The following MAF variants were observed in gnomAD, a reference collection of about 807,000 sequenced individuals.
MAF encodes transcription factor Maf.
MAF carries 10 observed loss-of-function variants against 22.0 expected under a neutral mutation model. That is an observed-to-expected ratio of 0.45 (90% CI 0.28 to 0.77). The LOEUF is 0.77. MAF is among the 30% of genes least tolerant of loss of function. The probability of loss-of-function intolerance (pLI) is 0.12; values close to 1 mark genes in which losing one functional copy is unlikely to be tolerated. For synonymous variants in MAF, 337 were observed against 255.8 expected, an observed-to-expected ratio of 1.32 and a Z score of -3.03; for missense variants, 544 against 548.4, an observed-to-expected ratio of 0.99 and a Z score of 0.08.
the MAF span, among the ~76,000 whole-genome samples, chr16:79,529,689 G>C: frequency 5.3e-5 from 8 of 152,296 alleles, no homozygotes; most frequent in East Asian, 1.5e-3. Context: ...GGCTGGGCGC[G>C]GTGGCTCACG....
chr16:79,399,098 T>G, the MAF span, among the ~76,000 whole-genome samples: 3 of 152,210 alleles, frequency 2.0e-5, no homozygotes, highest in African/African-American at 7.2e-5. Flanking sequence ...CCCTGTGACG[T>G]TGAGAGGCAG....
At chr16:79,337,602 T>C in the MAF span, among the ~76,000 whole-genome samples, 2 of 136,794 alleles carry the variant, frequency 1.5e-5, no homozygotes, top group Middle Eastern at 7.2e-3. Flanking sequence ...AGCATACCAT[T>C]TGCAAGCAAG....
chr16:79,340,558 C>T, the MAF span, among the ~76,000 whole-genome samples: 4 of 151,796 alleles, frequency 2.6e-5, no homozygotes, highest in African/African-American at 9.7e-5. Flanking sequence ...CTTGCCACTC[C>T]ACTGTTGGCA....
At chr16:79,465,416 G>A in the MAF span, among the ~76,000 whole-genome samples, 5 of 152,110 alleles carry the variant, frequency 3.3e-5, no homozygotes, top group Non-Finnish European at 7.4e-5. Context: ...AACATGGCAA[G>A]ACCAGTCTCT....
the MAF span, among the ~76,000 whole-genome samples, chr16:79,565,278 C>A: frequency 6.6e-6 from 1 of 152,272 alleles, no homozygotes; most frequent in East Asian, 1.9e-4. Flanking sequence ...CAACCAGGGG[C>A]ATTCATTTAC....
the MAF span, among the ~76,000 whole-genome samples, chr16:79,499,957 T>C: frequency 1.1e-4 from 17 of 152,268 alleles, no homozygotes; most frequent in African/African-American, 3.1e-4. Flanking sequence ...ATATCTATTA[T>C]TGTAAGAAAG....
the MAF span, among the ~76,000 whole-genome samples, chr16:79,534,886 A>C: frequency 9.8e-5 from 15 of 152,342 alleles, no homozygotes; most frequent in African/African-American, 3.4e-4. Context: ...CTCTCTGGAC[A>C]GTGTGGGCCA....
the MAF span, among the ~76,000 whole-genome samples, chr16:79,576,231 T>TAAAAA: frequency 2.6e-4 from 11 of 43,016 alleles, no homozygotes; most frequent in Admixed American, 5.8e-4. Flanking sequence ...CCTGTGGTAC[T>TAAAAA]AAAAAAAAAA....
chr16:79,468,159 C>T, the MAF span, among the ~76,000 whole-genome samples: 2 of 152,150 alleles, frequency 1.3e-5, no homozygotes, highest in African/African-American at 4.8e-5. Flanking sequence ...GCCATTTTCT[C>T]TTCCCGGGCT....
At chr16:79,348,326 A>T in the MAF span, among the ~76,000 whole-genome samples, 1 of 152,250 alleles carries the variant, frequency 6.6e-6, no homozygotes, top group Non-Finnish European at 1.5e-5. Context: ...TTTACTCAGC[A>T]GGGATAGATA....
In MAF at chr16:79,599,192, CCCGCCGCCTCCGCCGCCGCCG is replaced by C. The variant is rs1278501804; in HGVS notation, c.690_710del (p.Gly232_Gly238del). Reference sequence around the variant, plus strand: ...GGGCGCCCCCCGCCCCCGCCGCGCCCCCGCCGCCTCCGCCGCCGCCGCCGCCGCCGCCGCCCCCAGCGCTGG... The same window carrying C: ...GGGCGCCCCCCGCCCCCGCCGCGCCCCCGCCGCCGCCGCCCCCAGCGCTGG... On this transcript the variant is annotated inframe_deletion, in exon 1 of 2. Coordinates refer to ENST00000326043, the MANE Select transcript of MAF (RefSeq NM_005360.5). 1.1e-5 allele frequency: 11 copies of C among 1,026,596 alleles called. No homozygotes were observed. Among genetic ancestry groups the C allele is most frequent in the African/African-American group, 1.7e-5 (1 of 57,746 alleles). The allele number at this position is 1,026,596 out of a possible 1,614,324, so 63.6% of individuals were successfully genotyped here. A position where few individuals can be genotyped will look rare whatever the true frequency, so the allele number is the denominator to read the frequency against.
the MAF span, among the ~76,000 whole-genome samples, chr16:79,551,780 A>G: frequency 3.3e-5 from 5 of 152,214 alleles, no homozygotes. Flanking sequence ...CCATTCATTT[A>G]TCTATCATCC....
At chr16:79,571,121 A>AAG in the MAF span, among the ~76,000 whole-genome samples, 2 of 151,974 alleles carry the variant, frequency 1.3e-5, no homozygotes, top group African/African-American at 4.8e-5. Context: ...TAAAAAAAAA[A>AAG]AAAAAGTGAT....
chr16:79,485,148 C>T, the MAF span, among the ~76,000 whole-genome samples: 5 of 152,198 alleles, frequency 3.3e-5, no homozygotes, highest in Non-Finnish European at 7.3e-5. Flanking sequence ...CCTCCAGGAA[C>T]AGTGATCTCT....
the MAF span, among the ~76,000 whole-genome samples, chr16:79,401,654 C>G: frequency 1.3e-5 from 2 of 151,798 alleles, no homozygotes; most frequent in East Asian, 1.9e-4. Context: ...CAGTGTGTAC[C>G]CATACAAAAT....
At chr16:79,549,719 G>A in the MAF span, among the ~76,000 whole-genome samples, 9 of 152,142 alleles carry the variant, frequency 5.9e-5, no homozygotes, top group South Asian at 6.2e-4. Context: ...CTAAAAAAGC[G>A]CCCTGGAAGG....
chr16:79,457,384 C>G, the MAF span, among the ~76,000 whole-genome samples: 2 of 108,778 alleles, frequency 1.8e-5, no homozygotes, highest in African/African-American at 5.7e-5. Flanking sequence ...TTGAGTAGCA[C>G]TTTGGTTTTT....
the MAF span, chr16:79,203,010 T>C: frequency 1.3e-5 from 2 of 152,228 alleles, no homozygotes; most frequent in African/African-American, 2.4e-5. Context: ...TTCTAGTCTA[T>C]TGGCATCAAG....
the MAF span, among the ~76,000 whole-genome samples, chr16:79,457,911 C>A: frequency 2.0e-5 from 3 of 152,082 alleles, no homozygotes; most frequent in South Asian, 6.2e-4. Context: ...GCTCTAGAGG[C>A]CATATGATTT....
Sources: allele counts gnomAD v4.1 joint callset (sites outside exome capture counted in the v4.1 genomes callset), GRCh38; gene constraint gnomAD v4.1.1; transcripts MANE v1.5; gene names NCBI Gene and HGNC (gene_info 2026-07-23, HGNC 2026-07-21).